OVCH1: variants seen among roughly 807,000 people sequenced by gnomAD.
The protein encoded by OVCH1 is ovochymase-1.
In OVCH1, 139 loss-of-function variants were observed where a neutral mutation model predicts 138.4. That is an observed-to-expected ratio of 1.00 (90% CI 0.87 to 1.16). OVCH1 has a LOEUF of 1.16. Ranked by LOEUF, OVCH1 falls within the 50% of genes most tolerant of loss-of-function variation. OVCH1 has a pLI of 0.00. For synonymous variants in OVCH1, 453 were observed against 467.8 expected (o/e 0.97, Z 0.41); for missense variants, 1,367 against 1,357.9 (o/e 1.01, Z -0.11).
chr12:29,446,436 T>C (rs757311264), intron 22 of OVCH1, among the ~76,000 whole-genome samples: 90 of 152,128 alleles, frequency 5.9e-4, no homozygotes, highest in Non-Finnish European at 1.0e-3. Context: ...GGAAGAAATA[T>C]AGCATTTTAT....
intron 8 of OVCH1, 38 bp downstream of exon 8, chr12:29,486,212 T>G (rs756465691): frequency 6.4e-7 from 1 of 1,550,546 alleles, no homozygotes; most frequent in South Asian, 1.1e-5. Context: ...ATGACTTTCT[T>G]CAAGTCAGCT....
intron 3 of OVCH1, among the ~76,000 whole-genome samples, chr12:29,417,760 AGTGTGTGTGTGT>A (rs55835508): frequency 6.0e-5 from 9 of 149,688 alleles, no homozygotes; most frequent in African/African-American, 1.7e-4. Context: ...CTGGCCTACA[AGTGTGTGTGTGT>A]GTGTGTGTGT....
chr12:29,470,886 T>A (rs910073086), intron 16 of OVCH1, among the ~76,000 whole-genome samples: 4 of 152,194 alleles, frequency 2.6e-5, no homozygotes, highest in Non-Finnish European at 5.9e-5. Flanking sequence ...ATCTGTTGTT[T>A]CCTGACTTTT....
intron 3 of OVCH1, among the ~76,000 whole-genome samples, chr12:29,413,024 C>CTTT (rs35540929): frequency 4.3e-5 from 6 of 140,922 alleles, no homozygotes; most frequent in Non-Finnish European, 7.8e-5. Flanking sequence ...CCAGCTAATT[C>CTTT]TTTTTTTTTT....
downstream of OVCH1, among the ~76,000 whole-genome samples, chr12:29,425,311 G>A (rs1941163744): frequency 6.6e-6 from 1 of 152,196 alleles, no homozygotes; most frequent in Non-Finnish European, 1.5e-5. Flanking sequence ...GTAGGTTGAA[G>A]ATAGGTGGCT....
exon 23 of OVCH1, chr12:29,445,289 A>G (rs1220235275): frequency 1.2e-6 from 2 of 1,610,736 alleles, no homozygotes; most frequent in Admixed American, 1.7e-5. Flanking sequence ...TAGGACTTTC[A>G]AGACAATATA....
At chr12:29,491,937 T>C (rs555162624) in intron 4 of OVCH1, among the ~76,000 whole-genome samples, 1 of 152,292 alleles carries the variant, frequency 6.6e-6, no homozygotes, top group East Asian at 1.9e-4. Flanking sequence ...TCTCAACGAA[T>C]GAACAGAAAG....
At chr12:29,461,718 A>C in intron 19 of OVCH1, 136 bp downstream of exon 19, 1 of 1,076,674 alleles carries the variant, frequency 9.3e-7, no homozygotes, top group Non-Finnish European at 1.4e-6. Context: ...CTGTTGCCCC[A>C]CTGGTCTTCA....
downstream of OVCH1, among the ~76,000 whole-genome samples, chr12:29,409,051 C>T (rs543691765): frequency 4.6e-5 from 7 of 152,208 alleles, no homozygotes; most frequent in Admixed American, 6.5e-5. Flanking sequence ...GTGTATGTGT[C>T]GAGGAATTTA....
At chr12:29,487,552 G>T in intron 7 of OVCH1, 141 bp downstream of exon 7, 2 of 740,402 alleles carry the variant, frequency 2.7e-6, no homozygotes, top group African/African-American at 1.8e-5. Flanking sequence ...GGGTTTCAGA[G>T]ACAAGTATCT....
rs943574761 is a variant in OVCH1, at chr12:29,471,568, G to A, written c.1856+234C>T. Among the ~76,000 whole-genome samples the A allele has an allele frequency of 7.2e-5, 11 of 152,296 alleles. No homozygotes were observed. The East Asian group carries it at 1.5e-3, about 21-fold the overall frequency. On this transcript the variant is annotated intron_variant, in intron 16 of 27. Transcript: ENST00000318184. ...TAGACCAGTGGATTTCTGCAATTGGGAAGCAAAACAAAATAAGAGATCTAT... is the reference window on the plus strand; with the variant it reads ...TAGACCAGTGGATTTCTGCAATTGGAAAGCAAAACAAAATAAGAGATCTAT...
At chr12:29,476,011 T>C (rs2136026444) in intron 13 of OVCH1, among the ~76,000 whole-genome samples, 195 bp downstream of exon 13, 1 of 152,298 alleles carries the variant, frequency 6.6e-6, no homozygotes, top group South Asian at 2.1e-4. Context: ...TTTTGCACAT[T>C]TCCATTAAAA....
chr12:29,412,954 C>T (rs1940979469), intron 3 of OVCH1, among the ~76,000 whole-genome samples: 1 of 146,932 alleles, frequency 6.8e-6, no homozygotes, highest in Admixed American at 7.4e-5. Flanking sequence ...TCAAATGATC[C>T]TGCCTCCTCC....
At chr12:29,419,500 T>A (rs1941074939) in intron 3 of OVCH1, among the ~76,000 whole-genome samples, 1 of 151,806 alleles carries the variant, frequency 6.6e-6, no homozygotes, top group Non-Finnish European at 1.5e-5. Flanking sequence ...TTCACCGTGT[T>A]AGCCAGGATG....
intron 26 of OVCH1, among the ~76,000 whole-genome samples, chr12:29,434,289 T>G (rs1941319574): frequency 6.6e-6 from 1 of 152,194 alleles, no homozygotes; most frequent in African/African-American, 2.4e-5. Context: ...TGTCGCAATA[T>G]TCCAAGTATC....
chr12:29,471,329 T>C (rs959526926), intron 16 of OVCH1, among the ~76,000 whole-genome samples: 2 of 152,204 alleles, frequency 1.3e-5, no homozygotes, highest in Admixed American at 6.5e-5. Context: ...GGTTATTCTA[T>C]TGTGGTCTCC....
At chr12:29,496,061 T>C (rs1943406065) in intron 3 of OVCH1, 120 bp downstream of exon 3, 9 of 836,694 alleles carry the variant, frequency 1.1e-5, no homozygotes, top group Non-Finnish European at 1.5e-5. Flanking sequence ...AGTGGGTGGG[T>C]ACACTGGGAG....
chr12:29,449,152 C>T (rs1941702077), intron 22 of OVCH1, among the ~76,000 whole-genome samples: 1 of 151,884 alleles, frequency 6.6e-6, no homozygotes, highest in African/African-American at 2.4e-5. Context: ...ATTCACCTTC[C>T]TCCCCTGCTC....
At chr12:29,491,690 C>CA (rs1433506108) in intron 4 of OVCH1, among the ~76,000 whole-genome samples, 3 of 151,902 alleles carry the variant, frequency 2.0e-5, no homozygotes, top group African/African-American at 7.3e-5. Context: ...AATTGATATC[C>CA]AAATCTTTAG....
Sources: allele counts gnomAD v4.1 joint callset (sites outside exome capture counted in the v4.1 genomes callset), GRCh38; gene constraint gnomAD v4.1.1; transcripts MANE v1.5; gene names NCBI Gene and HGNC (gene_info 2026-07-23, HGNC 2026-07-21).